WWC2: variants seen among roughly 807,000 people sequenced by gnomAD.
The protein encoded by WWC2 is WW and C2 domain containing 2, also known as protein WWC2.
WWC2 carries 101 observed loss-of-function variants against 138.5 expected under a neutral mutation model. The observed-to-expected ratio is 0.73, with a 90% CI of 0.62 to 0.86. The LOEUF (loss-of-function observed/expected upper bound fraction) is 0.86, where lower values mean the gene tolerates loss of function less well. Among genes scored for constraint, WWC2 ranks in the 40% least tolerant of loss-of-function variants. The probability of loss-of-function intolerance (pLI) is 0.00; values close to 1 mark genes in which losing one functional copy is unlikely to be tolerated. For missense variants in WWC2, 1,420 were observed against 1,419.4 expected (o/e 1.00, Z -0.01); for synonymous variants, 558 against 538.4 (o/e 1.04, Z -0.50).
Position 183,289,472 on chromosome 4 carries a change from AGGCATCTCTGACCC to A in WWC2, c.3226_3239del (p.Ser1076GlufsTer5), listed in dbSNP as rs1343914561. The A allele has an allele frequency of 6.2e-7, 1 of 1,613,456 alleles. No individual in the cohort carries two copies. Among genetic ancestry groups the A allele is most frequent in the African/African-American group, 1.3e-5 (1 of 74,930 alleles). On this transcript the variant is annotated frameshift_variant, in exon 21 of 23. Transcript: ENST00000403733. LOFTEE classifies it high-confidence loss of function. ...TCTCTAGACTTAGAACTGGACCTTC[AGGCATCTCTGACCC>A]GGCAGAGCCGCCTCAATGATGAGCT...
intron 1 of WWC2, among the ~76,000 whole-genome samples, chr4:183,149,354 G>A (rs2111112551): frequency 6.6e-6 from 1 of 152,262 alleles, no homozygotes; most frequent in Non-Finnish European, 1.5e-5. Flanking sequence ...CGGGCGCGGT[G>A]GCTCACGCCT....
rs1178887332 is a variant in WWC2, at chr4:183,180,464, C to CATGATAGAT, written c.132-13134_132-13133insTGATAGATA. 5.9e-3 allele frequency among the ~76,000 whole-genome samples: 897 copies of CATGATAGAT among 152,266 alleles called. 7 individuals carry two copies. The highest frequency in any genetic ancestry group is 0.019 in the African/African-American group (794 of 41,532). On this transcript the variant is annotated intron_variant, in intron 1 of 22. Coordinates refer to ENST00000403733, the MANE Select transcript of WWC2 (RefSeq NM_024949.6). Reference sequence around the variant, plus strand: ...TGCCAACGATGTTCTGAAACCTGGCCAGTCTCACCAAGCTTGAAGTCTATT... The same window carrying CATGATAGAT: ...TGCCAACGATGTTCTGAAACCTGGCCATGATAGATAGTCTCACCAAGCTTGAAGTCTATT...
At position 183,315,651 on chromosome 4, in the gene WWC2, C is replaced by A. The variant is rs1739408645; in HGVS notation, c.3513-12C>A. On this transcript the variant is annotated splice_polypyrimidine_tract_variant and intron_variant, in intron 22 of 22. Transcript: ENST00000403733. ...CATATATAAGTCAATTTATTTCTCA[C>A]CCCAACTCTAGGGAGAAGATTGCCT... is the stretch of plus-strand genomic sequence containing the variant. 6.2e-7 allele frequency: 1 copy of A among 1,609,484 alleles called. No individual in the cohort carries two copies. The highest frequency in any genetic ancestry group is 2.2e-5 in the East Asian group (1 of 44,846).
intron 1 of WWC2, among the ~76,000 whole-genome samples, chr4:183,141,728 G>A (rs888591060): frequency 6.6e-5 from 10 of 152,126 alleles, no homozygotes; most frequent in African/African-American, 2.4e-4. Context: ...TATACTGAGA[G>A]GTGTATCATT....
At chr4:183,215,163 TAGTA>T (rs1735720345) in intron 4 of WWC2, among the ~76,000 whole-genome samples, 1 of 152,224 alleles carries the variant, frequency 6.6e-6, no homozygotes, top group Non-Finnish European at 1.5e-5. Context: ...AAATTAGACA[TAGTA>T]AGGGATTACG....
chr4:183,109,851 C>T (rs1732176801), intron 1 of WWC2, among the ~76,000 whole-genome samples: 1 of 149,276 alleles, frequency 6.7e-6, no homozygotes, highest in Admixed American at 6.7e-5. Context: ...TCTCATGTTA[C>T]TTTTTTTTTT....
intron 4 of WWC2, among the ~76,000 whole-genome samples, chr4:183,232,481 C>T (rs1018587199): frequency 1.3e-5 from 2 of 152,058 alleles, no homozygotes; most frequent in Admixed American, 6.6e-5. Context: ...CTGTCTTTCC[C>T]GATGTGCCTG....
At chr4:183,290,247 T>C (rs1025353147) in intron 21 of WWC2, among the ~76,000 whole-genome samples, 7 of 152,184 alleles carry the variant, frequency 4.6e-5, no homozygotes, top group Non-Finnish European at 7.4e-5. Context: ...CTGGGCGCAG[T>C]GGCTCACACC....
chr4:183,150,606 T>C (rs1561437306), intron 1 of WWC2, among the ~76,000 whole-genome samples: 1 of 152,150 alleles, frequency 6.6e-6, no homozygotes, highest in Non-Finnish European at 1.5e-5. Flanking sequence ...CAGGGTTGTG[T>C]GCTGTGTTGG....
At chr4:183,300,916 C>T (rs1441968069) in intron 21 of WWC2, among the ~76,000 whole-genome samples, 1 of 152,056 alleles carries the variant, frequency 6.6e-6, no homozygotes, top group African/African-American at 2.4e-5. Flanking sequence ...TGGAAGGTGG[C>T]AAAGACGGAA....
At chr4:183,292,100 G>A (rs907267812) in intron 21 of WWC2, among the ~76,000 whole-genome samples, 15 of 152,094 alleles carry the variant, frequency 9.9e-5, no homozygotes, top group Non-Finnish European at 1.9e-4. Flanking sequence ...GAAGGCTGAG[G>A]TGGGAGGATC....
intron 1 of WWC2, among the ~76,000 whole-genome samples, chr4:183,109,083 G>C (rs1431766634): frequency 6.6e-6 from 1 of 152,098 alleles, no homozygotes. Context: ...ACAAAACGAA[G>C]TGATTTTCTT....
intron 1 of WWC2, among the ~76,000 whole-genome samples, chr4:183,187,356 C>A (rs2111196697): frequency 6.6e-6 from 1 of 151,288 alleles, no homozygotes; most frequent in African/African-American, 2.4e-5. Flanking sequence ...GAGTTTGAGA[C>A]CCGCCTGGCC....
chr4:183,278,702 T>C (rs1015094016), intron 16 of WWC2, among the ~76,000 whole-genome samples: 3 of 152,104 alleles, frequency 2.0e-5, no homozygotes, highest in Non-Finnish European at 4.4e-5. Flanking sequence ...ACATCACTTG[T>C]AAGTTGGATT....
intron 2 of WWC2, among the ~76,000 whole-genome samples, chr4:183,200,492 T>TA (rs1735266385): frequency 6.6e-6 from 1 of 152,292 alleles, no homozygotes; most frequent in East Asian, 1.9e-4. Flanking sequence ...TTTAAAATAA[T>TA]ATTTATTATC....
At chr4:183,220,561 G>A (rs902367346) in intron 4 of WWC2, among the ~76,000 whole-genome samples, 17 of 151,286 alleles carry the variant, frequency 1.1e-4, no homozygotes, top group South Asian at 6.3e-4. Context: ...ATGGCCGGGC[G>A]CGGTGGCTCA....
chr4:183,277,595 C>T lies in WWC2; in HGVS notation c.2563-3181C>T, dbSNP rs1737903689. On this transcript the variant is annotated intron_variant, in intron 16 of 22. Coordinates refer to ENST00000403733, the MANE Select transcript of WWC2 (RefSeq NM_024949.6). ...TGGTTGAACTAGTTTACAGTCCCAC[C>T]AACAGTGTAAAAGTGTTCCTATTTC... Among the ~76,000 whole-genome samples, 17 of 145,528 alleles carry T rather than the reference C, an allele frequency of 1.2e-4. No homozygotes were observed. The South Asian group carries it at 3.9e-3, about 33-fold the overall frequency.
At chr4:183,279,445 G>A (rs1177607283) in intron 16 of WWC2, among the ~76,000 whole-genome samples, 2 of 152,044 alleles carry the variant, frequency 1.3e-5, no homozygotes, top group East Asian at 3.9e-4. Flanking sequence ...CTCTTTTTTT[G>A]TTGTGTCTCT....
chr4:183,250,874 C>T (rs978401767), intron 8 of WWC2, among the ~76,000 whole-genome samples: 1 of 152,114 alleles, frequency 6.6e-6, no homozygotes, highest in African/African-American at 2.4e-5. Context: ...AAGTATATTC[C>T]TTATTATTGG....
Sources: gnomAD v4.1 joint callset for allele counts (sites outside exome capture counted in the v4.1 genomes callset) on GRCh38, gnomAD v4.1.1 for gene constraint, MANE v1.5 for transcripts, NCBI Gene and HGNC (gene_info 2026-07-23, HGNC 2026-07-21) for gene names.